The following CARMIL1 variants were observed in gnomAD, a reference collection of about 807,000 sequenced individuals.
CARMIL1 encodes the protein F-actin-uncapping protein LRRC16A.
CARMIL1 carries 90 observed loss-of-function variants against 177.1 expected under a neutral mutation model. That is an observed-to-expected ratio of 0.51 (90% CI 0.43 to 0.61). The LOEUF (loss-of-function observed/expected upper bound fraction) is 0.61. Ranked by LOEUF, CARMIL1 falls within the 20% of genes least tolerant of loss-of-function variation. CARMIL1 has a pLI of 0.00. For missense variants in CARMIL1, 1,380 were observed against 1,667.0 expected, an observed-to-expected ratio of 0.83 and a Z score of 3.00; for synonymous variants, 577 against 606.2, an observed-to-expected ratio of 0.95 and a Z score of 0.71.
At chr6:25,351,363 A>G (rs1788086447) in intron 2 of CARMIL1, among the ~76,000 whole-genome samples, 1 of 152,208 alleles carries the variant, frequency 6.6e-6, no homozygotes, top group Admixed American at 6.5e-5. Context: ...AGAAAATTTA[A>G]ACTTCCACAC....
At chr6:25,617,414 G>A (rs947837825) in intron 36 of CARMIL1, among the ~76,000 whole-genome samples, 6 of 152,042 alleles carry the variant, frequency 3.9e-5, no homozygotes, top group Non-Finnish European at 7.4e-5. Context: ...AAAAATATTG[G>A]GAAGAATGAA....
At chr6:25,433,963 A>G (rs916147969) in intron 4 of CARMIL1, among the ~76,000 whole-genome samples, 8 of 152,248 alleles carry the variant, frequency 5.3e-5, no homozygotes, top group Admixed American at 4.6e-4. Context: ...TGCACATTAT[A>G]AAGTGTTCTC....
chr6:25,461,132 T>C (rs1800082865), intron 8 of CARMIL1, among the ~76,000 whole-genome samples: 1 of 152,236 alleles, frequency 6.6e-6, no homozygotes, highest in Non-Finnish European at 1.5e-5. Flanking sequence ...TTCTAGCCTC[T>C]GAACCCACCT....
intron 26 of CARMIL1, among the ~76,000 whole-genome samples, chr6:25,548,743 T>C (rs553266492): frequency 6.6e-6 from 1 of 152,286 alleles, no homozygotes; most frequent in Non-Finnish European, 1.5e-5. Context: ...GGAAGGCACA[T>C]TCTTTTGGAT....
At chr6:25,470,067 A>T (rs554256142) in intron 9 of CARMIL1, among the ~76,000 whole-genome samples, 2 of 152,208 alleles carry the variant, frequency 1.3e-5, no homozygotes, top group Non-Finnish European at 2.9e-5. Context: ...TATATGCATA[A>T]TAGTTATATA....
chr6:25,364,572 C>CTT (rs199573991), intron 2 of CARMIL1, among the ~76,000 whole-genome samples: 3 of 150,470 alleles, frequency 2.0e-5, no homozygotes, highest in African/African-American at 7.3e-5. Context: ...TCTTTTTCTT[C>CTT]TTTTTTTTGA....
intron 9 of CARMIL1, among the ~76,000 whole-genome samples, chr6:25,467,607 T>C (rs1273773019): frequency 2.0e-5 from 3 of 152,182 alleles, no homozygotes; most frequent in Admixed American, 2.0e-4. Flanking sequence ...TCCTTTCAGC[T>C]GCCTTAGATG....
intron 36 of CARMIL1, among the ~76,000 whole-genome samples, chr6:25,619,110 G>A (rs1759528134): frequency 6.6e-6 from 1 of 152,128 alleles, no homozygotes; most frequent in Non-Finnish European, 1.5e-5. Flanking sequence ...GAGCAGAACC[G>A]CTTCAAAGCC....
intron 2 of CARMIL1, among the ~76,000 whole-genome samples, chr6:25,355,809 T>A (rs1309832650): frequency 6.6e-6 from 1 of 152,224 alleles, no homozygotes; most frequent in Non-Finnish European, 1.5e-5. Flanking sequence ...AAATTTGTCA[T>A]CTTAACCATT....
chr6:25,299,431 C>T (rs2150168356), intron 2 of CARMIL1, among the ~76,000 whole-genome samples: 1 of 152,064 alleles, frequency 6.6e-6, no homozygotes, highest in South Asian at 2.1e-4. Context: ...CTCGGCCTCC[C>T]AAAGTGCTGG....
rs144762278 is a variant in CARMIL1, at chr6:25,297,320, C to T, written c.138+12411C>T. Among the ~76,000 whole-genome samples the T allele has an allele frequency of 7.9e-3, 1,204 of 152,322 alleles. 12 individuals are homozygous for T. Among genetic ancestry groups the T allele is most frequent in the African/African-American group, 0.024 (1,015 of 41,560 alleles). On this transcript the variant is annotated intron_variant, in intron 2 of 36. Coordinates refer to ENST00000329474, the MANE Select transcript of CARMIL1 (RefSeq NM_017640.6). ...CCCTTCAAGCATCTTGGATGTCTTG[C>T]TCCTTATCAGAATTTTATCTCCCCC...
chr6:25,541,684 A>C lies in CARMIL1; in HGVS notation c.2328+1606A>C, dbSNP rs558654401. Among the ~76,000 whole-genome samples the C allele has an allele frequency of 9.2e-5, 14 of 152,220 alleles. No individual in the cohort carries two copies. The East Asian group carries it at 2.7e-3, about 29-fold the overall frequency. On this transcript the variant is annotated intron_variant, in intron 26 of 36. Transcript: ENST00000329474. ...TTGTTTGTTTTTTGAGATGGTGTGT[A>C]GCTCTGTCACCCAGGCTGGAGTGCA...
intron 20 of CARMIL1, 49 bp downstream of exon 20, chr6:25,510,811 T>C: frequency 9.1e-7 from 1 of 1,097,508 alleles, no homozygotes; most frequent in South Asian, 1.4e-5. Flanking sequence ...TTGTTGCCAT[T>C]CTTACTGATT....
chr6:25,572,501 G>C (rs9356981), intron 29 of CARMIL1, among the ~76,000 whole-genome samples: 25,692 of 151,782 alleles, frequency 0.17, 2,450 homozygotes, highest in East Asian at 0.4. Flanking sequence ...AGGAATTGGA[G>C]ACCAGCCTGG....
intron 21 of CARMIL1, 38 bp from the exon 22 acceptor site, chr6:25,517,309 A>G: frequency 6.7e-7 from 1 of 1,488,226 alleles, no homozygotes; most frequent in Non-Finnish European, 9.4e-7. Context: ...CATTTTCTTT[A>G]AGTGTCTGAT....
chr6:25,324,349 GTTTT>G (rs34619369), intron 2 of CARMIL1, among the ~76,000 whole-genome samples: 2 of 142,828 alleles, frequency 1.4e-5, no homozygotes. Context: ...GATTCAACAA[GTTTT>G]TTTTTTTTTT....
chr6:25,323,067 C>T (rs555930730), intron 2 of CARMIL1, among the ~76,000 whole-genome samples: 2 of 152,220 alleles, frequency 1.3e-5, no homozygotes, highest in Admixed American at 6.5e-5. Context: ...TTGCAGATAT[C>T]CCAAGTAATT....
At chr6:25,310,949 G>A (rs1783767807) in intron 2 of CARMIL1, among the ~76,000 whole-genome samples, 2 of 152,266 alleles carry the variant, frequency 1.3e-5, no homozygotes, top group Non-Finnish European at 1.5e-5. Context: ...CGGTGGCCAA[G>A]GTGGGTGGAT....
At chr6:25,432,422 T>G (rs1358301291) in intron 4 of CARMIL1, among the ~76,000 whole-genome samples, 2 of 152,194 alleles carry the variant, frequency 1.3e-5, no homozygotes, top group Non-Finnish European at 2.9e-5. Flanking sequence ...GAGTGAGTGA[T>G]TGCTCTATTG....
Sources: allele counts gnomAD v4.1 joint callset (sites outside exome capture counted in the v4.1 genomes callset), GRCh38; gene constraint gnomAD v4.1.1; transcripts MANE v1.5; gene names NCBI Gene and HGNC (gene_info 2026-07-23, HGNC 2026-07-21).